Variants in PPP2R2B observed in about 807,000 individuals in gnomAD.
PPP2R2B encodes protein phosphatase 2 regulatory subunit Bbeta, also known as serine/threonine-protein phosphatase 2A 55 kDa regulatory subunit B beta isoform.
In PPP2R2B, 5 loss-of-function variants were observed where a neutral mutation model predicts 46.0. That is an observed-to-expected ratio of 0.11 (90% CI 0.06 to 0.23). The LOEUF (loss-of-function observed/expected upper bound fraction) is 0.23. Among genes scored for constraint, PPP2R2B ranks in the 10% least tolerant of loss-of-function variants. The pLI is 1.00. For synonymous variants in PPP2R2B, 215 were observed against 206.7 expected (o/e 1.04, Z -0.34); for missense variants, 367 against 575.0 (o/e 0.64, Z 3.70).
chr5:146,695,450 G>A (rs919537912), intron 4 of PPP2R2B, among the ~76,000 whole-genome samples: 1 of 152,032 alleles, frequency 6.6e-6, no homozygotes, highest in African/African-American at 2.4e-5. Flanking sequence ...TTGAATGTTG[G>A]TTTTATTTTT....
chr5:147,074,783 C>T (rs1156712796), intron 2 of PPP2R2B, among the ~76,000 whole-genome samples: 5 of 152,092 alleles, frequency 3.3e-5, no homozygotes, highest in Admixed American at 1.3e-4. Context: ...TGAAATACAC[C>T]TCACATCGAC....
intron 5 of PPP2R2B, among the ~76,000 whole-genome samples, chr5:146,678,762 G>C (rs1777918855): frequency 1.4e-5 from 2 of 142,390 alleles, no homozygotes; most frequent in African/African-American, 5.7e-5. Flanking sequence ...GACAAACAGA[G>C]AGCCAAATCA....
chr5:146,693,971 A>T (rs1779031010), intron 4 of PPP2R2B, among the ~76,000 whole-genome samples: 1 of 152,076 alleles, frequency 6.6e-6, no homozygotes. Context: ...CCCTTGCTCC[A>T]TTCCTCCACT....
chr5:146,732,294 T>G (rs1449071947), intron 2 of PPP2R2B, among the ~76,000 whole-genome samples: 1 of 152,244 alleles, frequency 6.6e-6, no homozygotes, highest in Non-Finnish European at 1.5e-5. Flanking sequence ...TAAAAATTTT[T>G]GCAAGGACCT....
intron 2 of PPP2R2B, among the ~76,000 whole-genome samples, chr5:146,773,144 A>T (rs1754976103): frequency 1.3e-5 from 2 of 152,236 alleles, no homozygotes; most frequent in Admixed American, 6.5e-5. Flanking sequence ...AACCTCCAGA[A>T]CAGAAACACA....
In PPP2R2B at chr5:146,819,075, G is replaced by A. The variant is rs566905536; in HGVS notation, c.70+58927C>T. Among the ~76,000 whole-genome samples, 22 of 152,140 alleles carry A rather than the reference G, an allele frequency of 1.4e-4. No homozygotes were observed. The South Asian group carries it at 2.9e-3, about 20-fold the overall frequency. On this transcript the variant is annotated intron_variant, in intron 2 of 9. Transcript: ENST00000394411. The stretch of plus-strand genomic sequence containing the variant: ...ACAAATCAGTGCAGGCTTTCTTCTC[G>A]GGCACAAAATCTCCAGCTGAAAATC...
At chr5:146,855,164 G>T (rs1347385207) in intron 2 of PPP2R2B, among the ~76,000 whole-genome samples, 1 of 151,968 alleles carries the variant, frequency 6.6e-6, no homozygotes, top group African/African-American at 2.4e-5. Context: ...TACTTAGTTG[G>T]TAGGAAGGAA....
chr5:146,631,425 C>T (rs1352081274), intron 7 of PPP2R2B, among the ~76,000 whole-genome samples: 1 of 152,188 alleles, frequency 6.6e-6, no homozygotes, highest in Non-Finnish European at 1.5e-5. Context: ...TATCATTTCG[C>T]ATGCTGCTTT....
At chr5:146,722,848 C>G (rs1751611201) in intron 2 of PPP2R2B, among the ~76,000 whole-genome samples, 1 of 152,154 alleles carries the variant, frequency 6.6e-6, no homozygotes, top group African/African-American at 2.4e-5. Flanking sequence ...ATTACTAAGT[C>G]TGGCCATTTC....
intron 8 of PPP2R2B, among the ~76,000 whole-genome samples, chr5:146,599,794 CCT>C (rs1294884400): frequency 6.6e-6 from 1 of 152,182 alleles, no homozygotes; most frequent in Non-Finnish European, 1.5e-5. Context: ...GCTAGTCCTC[CCT>C]GAGCCCCCCA....
At chr5:147,055,823 C>A in exon 1 of PPP2R2B, 1 of 1,534,520 alleles carries the variant, frequency 6.5e-7, no homozygotes. Context: ...TTTAAGCTGG[C>A]TACATCACCA....
At chr5:147,068,797 C>T (rs112236387) in intron 2 of PPP2R2B, among the ~76,000 whole-genome samples, 4 of 152,224 alleles carry the variant, frequency 2.6e-5, no homozygotes, top group African/African-American at 9.6e-5. Flanking sequence ...ATTTGGAAAT[C>T]ATTACTGCTT....
intron 9 of PPP2R2B, among the ~76,000 whole-genome samples, chr5:146,591,887 T>C (rs1180439461): frequency 6.6e-6 from 1 of 152,188 alleles, no homozygotes; most frequent in Non-Finnish European, 1.5e-5. Flanking sequence ...GGAAGCAATC[T>C]TGTTAGACTG....
Position 146,948,342 on chromosome 5 carries a change from C to T in PPP2R2B, c.79+107323G>A, listed in dbSNP as rs567214522. Reference sequence around the variant, plus strand: ...TGCCTTGGTTTCCTCATTTATACAACGAGGGATAATGTTAATACCTATTTG... The same window carrying T: ...TGCCTTGGTTTCCTCATTTATACAATGAGGGATAATGTTAATACCTATTTG... On this transcript the variant is annotated intron_variant, in intron 1 of 8. Coordinates refer to the PPP2R2B transcript ENST00000336640. Among the ~76,000 whole-genome samples the T allele has an allele frequency of 9.9e-5, 15 of 151,964 alleles. No homozygotes were observed. The East Asian group carries it at 1.9e-3, about 20-fold the overall frequency.
At chr5:146,629,457 C>T (rs1045653022) in intron 7 of PPP2R2B, among the ~76,000 whole-genome samples, 1 of 152,196 alleles carries the variant, frequency 6.6e-6, no homozygotes, top group Non-Finnish European at 1.5e-5. Context: ...TGTGCCCACC[C>T]TGGTCAAAGC....
At chr5:146,658,584 T>C (rs919620901) in intron 5 of PPP2R2B, among the ~76,000 whole-genome samples, 30 of 152,178 alleles carry the variant, frequency 2.0e-4, no homozygotes, top group Non-Finnish European at 1.5e-5. Flanking sequence ...CTAAGAACTA[T>C]GTGAAAAAGT....
rs1770414396 is a variant in PPP2R2B, at chr5:146,589,787, C to T, written c.*160G>A. On this transcript the variant is annotated 3_prime_UTR_variant, in exon 10 of 10. Transcript: ENST00000394411. Reference sequence around the variant, plus strand: ...TGGGTTTGACAAAAGTTTCTTAGAACTGGGGAGCTGGGAATGTTGGACTCC... The same window carrying T: ...TGGGTTTGACAAAAGTTTCTTAGAATTGGGGAGCTGGGAATGTTGGACTCC... 1 of 773,656 alleles carries T rather than the reference C, an allele frequency of 1.3e-6. No homozygotes were observed. Among genetic ancestry groups the T allele is most frequent in the Non-Finnish European group, 2.0e-6 (1 of 489,312 alleles). The allele number at this position is 773,656 out of a possible 1,614,324, so 47.9% of individuals were successfully genotyped here.
At chr5:147,069,785 GTTT>G (rs540998224) in intron 2 of PPP2R2B, among the ~76,000 whole-genome samples, 58 of 64,780 alleles carry the variant, frequency 9.0e-4, no homozygotes, top group South Asian at 2.8e-3. Flanking sequence ...ATTTTATACT[GTTT>G]TTTTTTTTTT....
intron 2 of PPP2R2B, among the ~76,000 whole-genome samples, chr5:146,849,891 C>A (rs1163246078): frequency 6.6e-6 from 1 of 152,122 alleles, no homozygotes; most frequent in African/African-American, 2.4e-5. Flanking sequence ...AGGCACAAAG[C>A]CATGGCAGAT....
Sources: allele counts gnomAD v4.1 joint callset (sites outside exome capture counted in the v4.1 genomes callset), GRCh38; gene constraint gnomAD v4.1.1; transcripts MANE v1.5; gene names NCBI Gene and HGNC (gene_info 2026-07-23, HGNC 2026-07-21).